Variants in ABCB11 observed in about 807,000 individuals in gnomAD.
ABCB11 encodes ATP binding cassette subfamily B member 11.
Under a neutral mutation model 148.0 loss-of-function variants are expected in ABCB11, and 95 were observed. The ratio of observed to expected loss-of-function variants is 0.64; its 90% CI spans 0.54 to 0.76. The LOEUF (loss-of-function observed/expected upper bound fraction) is 0.76. Ranked by LOEUF, ABCB11 falls within the 30% of genes least tolerant of loss-of-function variation. The pLI, the probability that ABCB11 is intolerant of heterozygous loss-of-function variation, is 0.00. For synonymous variants in ABCB11, 591 were observed against 555.4 expected, an observed-to-expected ratio of 1.06 and a Z score of -0.90; for missense variants, 1,523 against 1,617.8, an observed-to-expected ratio of 0.94 and a Z score of 1.01.
At chr2:168,953,452 C>CT (rs35351007) in intron 19 of ABCB11, among the ~76,000 whole-genome samples, 76,259 of 142,538 alleles carry the variant, frequency 0.54, 20,162 homozygotes, top group South Asian at 0.66. Flanking sequence ...ATTATCTTGT[C>CT]TTTTTTTTTT....
chr2:169,027,608 G>A (rs1695738907), intron 1 of ABCB11, among the ~76,000 whole-genome samples: 1 of 152,190 alleles, frequency 6.6e-6, no homozygotes, highest in South Asian at 2.1e-4. Context: ...CAGCTAGATG[G>A]TCACTTGAGA....
At chr2:168,920,017 G>A (rs749512735), downstream of ABCB11, among the ~76,000 whole-genome samples, 7 of 151,942 alleles carry the variant, frequency 4.6e-5, no homozygotes, top group Non-Finnish European at 1.0e-4. Flanking sequence ...ATGCCACCAT[G>A]CCTGGCTAAT....
chr2:168,983,144 A>G (rs1405234506), intron 10 of ABCB11, among the ~76,000 whole-genome samples: 1 of 152,080 alleles, frequency 6.6e-6, no homozygotes, highest in African/African-American at 2.4e-5. Context: ...GTATTATTTG[A>G]TTTTCAATTT....
At chr2:168,986,679 A>G (rs1427710285) in intron 9 of ABCB11, among the ~76,000 whole-genome samples, 1 of 152,126 alleles carries the variant, frequency 6.6e-6, no homozygotes, top group Non-Finnish European at 1.5e-5. Context: ...AGCAGACCAG[A>G]CTTTTTGTTT....
chr2:168,990,552 T>C (rs1256896181), intron 9 of ABCB11, among the ~76,000 whole-genome samples: 1 of 152,108 alleles, frequency 6.6e-6, no homozygotes, highest in African/African-American at 2.4e-5. Flanking sequence ...GAAATAAATA[T>C]CTACCCTGAG....
chr2:168,924,667 T>C lies in ABCB11; in HGVS notation c.3755A>G (p.Glu1252Gly). Reference protein sequence around the residue: ...LDEATSALDTESEKTVQVALD... With the variant: ...LDEATSALDTGSEKTVQVALD... ...AAATTCAACACTTACCTTTTCACTT[T>C]CTGTGTCTAAGGCAGAAGTGGCTTC... The change falls in exon 27 of 28, where the codon GAA becomes GGA. Residue 1252 changes from glutamate (E) to glycine (G), a missense_variant. Transcript: ENST00000650372. The C allele has an allele frequency of 6.2e-7, 1 of 1,613,752 alleles. No homozygotes were observed.
chr2:168,977,249 C>A (rs958233987), intron 11 of ABCB11, among the ~76,000 whole-genome samples: 1 of 151,930 alleles, frequency 6.6e-6, no homozygotes, highest in Admixed American at 6.6e-5. Flanking sequence ...GTCACCGTCA[C>A]CAAACTAGAC....
chr2:169,026,772 C>T (rs1240401221), intron 1 of ABCB11, among the ~76,000 whole-genome samples: 1 of 152,066 alleles, frequency 6.6e-6, no homozygotes, highest in Non-Finnish European at 1.5e-5. Context: ...TCTCTGAAAC[C>T]CTGGAAATGC....
intron 19 of ABCB11, among the ~76,000 whole-genome samples, chr2:168,946,176 GA>G (rs1281631392): frequency 6.6e-6 from 1 of 151,846 alleles, no homozygotes; most frequent in East Asian, 1.9e-4. Context: ...GGGAAGGTCA[GA>G]AGTATGCATT....
At chr2:168,978,470 T>A (rs1694011769) in intron 11 of ABCB11, among the ~76,000 whole-genome samples, 1 of 151,876 alleles carries the variant, frequency 6.6e-6, no homozygotes, top group Admixed American at 6.6e-5. Flanking sequence ...TTTAACAATC[T>A]CTCTGTACTC....
At chr2:168,981,251 G>A (rs1488050358) in intron 10 of ABCB11, among the ~76,000 whole-genome samples, 1 of 152,056 alleles carries the variant, frequency 6.6e-6, no homozygotes, top group Admixed American at 6.6e-5. Flanking sequence ...CCACACATTA[G>A]GATGATTAAC....
intron 9 of ABCB11, 48 bp downstream of exon 9, chr2:168,990,753 A>T: frequency 6.2e-7 from 1 of 1,607,782 alleles, no homozygotes; most frequent in Non-Finnish European, 8.5e-7. Context: ...TCAGGGTACT[A>T]TGCTGATTGA....
intron 19 of ABCB11, among the ~76,000 whole-genome samples, chr2:168,952,837 A>G (rs1039792485): frequency 1.3e-5 from 2 of 151,496 alleles, no homozygotes; most frequent in African/African-American, 4.8e-5. Context: ...TTATGTAGGC[A>G]TTTAATGCTA....
intron 23 of ABCB11, among the ~76,000 whole-genome samples, chr2:168,933,289 T>G (rs1222203014): frequency 3.3e-5 from 5 of 151,884 alleles, no homozygotes; most frequent in Non-Finnish European, 5.9e-5. Context: ...TAAGCATCAT[T>G]TTTGCACCAG....
intron 3 of ABCB11, among the ~76,000 whole-genome samples, chr2:169,016,232 A>T (rs1695351925): frequency 6.6e-6 from 1 of 152,136 alleles, no homozygotes; most frequent in Non-Finnish European, 1.5e-5. Context: ...TCTGCTGTGA[A>T]TTACTTAAAA....
chr2:168,967,734 C>T (rs771159205), intron 17 of ABCB11, among the ~76,000 whole-genome samples: 6 of 151,830 alleles, frequency 4.0e-5, no homozygotes, highest in Non-Finnish European at 7.4e-5. Flanking sequence ...TAGACAAACA[C>T]TCCTGGGCAG....
chr2:168,942,296 T>A (rs1466079688), intron 21 of ABCB11, among the ~76,000 whole-genome samples: 2 of 151,802 alleles, frequency 1.3e-5, no homozygotes. Context: ...ATCCCCACAA[T>A]AGCAATCCTA....
chr2:168,973,629 T>C (rs1277404898), intron 13 of ABCB11, 86 bp downstream of exon 13: 2 of 1,494,692 alleles, frequency 1.3e-6, no homozygotes, highest in East Asian at 4.6e-5. Flanking sequence ...AGTCTCAATG[T>C]ATGCTACACC....
chr2:168,951,434 A>G (rs537424092), intron 19 of ABCB11, among the ~76,000 whole-genome samples: 1 of 151,712 alleles, frequency 6.6e-6, no homozygotes, highest in African/African-American at 2.4e-5. Flanking sequence ...TTCTTTTATC[A>G]GTGTTTTGTG....
Sources: allele counts gnomAD v4.1 joint callset (sites outside exome capture counted in the v4.1 genomes callset), GRCh38; gene constraint gnomAD v4.1.1; transcripts MANE v1.5; gene names NCBI Gene and HGNC (gene_info 2026-07-23, HGNC 2026-07-21).